The following COG5 variants were observed in gnomAD, a reference collection of about 807,000 sequenced individuals.
The protein encoded by COG5 is conserved oligomeric Golgi complex subunit 5.
COG5 carries 86 observed loss-of-function variants against 110.4 expected under a neutral mutation model. That is an observed-to-expected ratio of 0.78 (90% CI 0.65 to 0.93). The LOEUF is 0.93. COG5 is among the 40% of genes least tolerant of loss of function. The pLI is 0.00. For missense variants in COG5, 1,077 were observed against 987.0 expected, an observed-to-expected ratio of 1.09 and a Z score of -1.22; for synonymous variants, 360 against 334.6, an observed-to-expected ratio of 1.08 and a Z score of -0.83.
At chr7:107,358,805 T>C (rs966699706) in intron 10 of COG5, among the ~76,000 whole-genome samples, 1 of 152,220 alleles carries the variant, frequency 6.6e-6, no homozygotes, top group Non-Finnish European at 1.5e-5. Context: ...TTTTGCATGC[T>C]GTCATAACTT....
intron 6 of COG5, among the ~76,000 whole-genome samples, chr7:107,517,489 C>G (rs1291343792): frequency 1.3e-5 from 2 of 152,174 alleles, no homozygotes; most frequent in East Asian, 3.9e-4. Context: ...TCAGGAAATA[C>G]AGAGAACACC....
chr7:107,402,602 C>T (rs999247292), intron 7 of COG5, among the ~76,000 whole-genome samples: 1 of 152,008 alleles, frequency 6.6e-6, no homozygotes, highest in Admixed American at 6.6e-5. Context: ...CTGTTGTAAT[C>T]CTGAAAAAAT....
chr7:107,270,916 A>T (rs1239597741), intron 14 of COG5, among the ~76,000 whole-genome samples: 1 of 70,286 alleles, frequency 1.4e-5, no homozygotes. Context: ...TTTTGTAGAG[A>T]TGGGATCTCA....
At chr7:107,429,704 T>C (rs1793886011) in intron 6 of COG5, among the ~76,000 whole-genome samples, 1 of 152,174 alleles carries the variant, frequency 6.6e-6, no homozygotes, top group Non-Finnish European at 1.5e-5. Flanking sequence ...GGTAATCCAA[T>C]TATGGGGACG....
At chr7:107,387,479 G>A (rs6974296) in intron 7 of COG5, among the ~76,000 whole-genome samples, 5,063 of 152,300 alleles carry the variant, frequency 0.033, 289 homozygotes, top group African/African-American at 0.11. Context: ...TTGTATACAA[G>A]CAACATCTCA....
intron 18 of COG5, among the ~76,000 whole-genome samples, chr7:107,231,693 T>C (rs934096619): frequency 6.6e-6 from 1 of 152,176 alleles, no homozygotes; most frequent in African/African-American, 2.4e-5. Context: ...TAAAATCTCC[T>C]TGCCATGGGT....
intron 11 of COG5, among the ~76,000 whole-genome samples, chr7:107,304,334 G>A (rs1287552813): frequency 6.6e-6 from 1 of 152,088 alleles, no homozygotes; most frequent in East Asian, 1.9e-4. Context: ...CCTGAACACT[G>A]TAAGAAGTTA....
chr7:107,473,082 T>A (rs1796736925), intron 6 of COG5: 1 of 151,878 alleles, frequency 6.6e-6, no homozygotes, highest in Non-Finnish European at 1.5e-5. Context: ...GCTTCACAGG[T>A]AATGTGTAAC....
intron 6 of COG5, among the ~76,000 whole-genome samples, chr7:107,415,798 ATG>A (rs753867030): frequency 1.4e-4 from 14 of 102,080 alleles, no homozygotes; most frequent in African/African-American, 5.7e-4. Context: ...GTATGTATGT[ATG>A]TGTGTATATA....
chr7:107,456,550 T>G (rs1795679762), intron 6 of COG5, among the ~76,000 whole-genome samples: 2 of 152,142 alleles, frequency 1.3e-5, no homozygotes, highest in African/African-American at 4.8e-5. Flanking sequence ...CGAACTCAAT[T>G]AGTTGAAGGG....
intron 18 of COG5, among the ~76,000 whole-genome samples, chr7:107,231,920 T>C (rs755137908): frequency 1.2e-4 from 18 of 152,332 alleles, no homozygotes; most frequent in South Asian, 6.2e-4. Flanking sequence ...TATAAACATA[T>C]ATAAACACAC....
chr7:107,302,716 T>G (rs985742471), intron 11 of COG5, among the ~76,000 whole-genome samples: 1 of 152,162 alleles, frequency 6.6e-6, no homozygotes, highest in African/African-American at 2.4e-5. Flanking sequence ...TCTTGAGAGA[T>G]ATGGTAACAT....
At chr7:107,466,197 A>G (rs1432070732) in intron 6 of COG5, among the ~76,000 whole-genome samples, 1 of 152,190 alleles carries the variant, frequency 6.6e-6, no homozygotes, top group Admixed American at 6.5e-5. Flanking sequence ...GTAAGCAGTC[A>G]AAACAGTAAA....
intron 14 of COG5, among the ~76,000 whole-genome samples, chr7:107,263,089 T>C (rs1296793507): frequency 6.6e-6 from 1 of 152,198 alleles, no homozygotes; most frequent in Non-Finnish European, 1.5e-5. Context: ...AACAAAACGC[T>C]AGTGAAGCTG....
chr7:107,280,502 G>A (rs901776282), intron 14 of COG5, among the ~76,000 whole-genome samples: 10 of 151,878 alleles, frequency 6.6e-5, no homozygotes, highest in African/African-American at 2.2e-4. Flanking sequence ...TATTTCAACC[G>A]GGAATGGTTA....
intron 1 of COG5, among the ~76,000 whole-genome samples, chr7:107,561,850 C>T (rs533444724): frequency 2.5e-4 from 38 of 152,278 alleles, no homozygotes; most frequent in Middle Eastern, 3.4e-3. Context: ...GTGATGGGCG[C>T]TTGTAGTCCC....
At chr7:107,210,374 C>G (rs1161263667) in intron 21 of COG5, 152 bp downstream of exon 21, 2 of 1,447,838 alleles carry the variant, frequency 1.4e-6, no homozygotes, top group East Asian at 5.0e-5. Context: ...CTGGTTGCTC[C>G]AGCACCCGTG....
intron 6 of COG5, among the ~76,000 whole-genome samples, chr7:107,514,450 T>A (rs777909384): frequency 5.3e-5 from 8 of 152,134 alleles, no homozygotes; most frequent in Admixed American, 3.3e-4. Context: ...ATAATATACA[T>A]TTAAACCTAT....
Position 107,516,183 on chromosome 7 carries a change from AATAAG to A in COG5, c.538+11049_538+11053del, listed in dbSNP as rs143516731. The stretch of plus-strand genomic sequence containing the variant: ...AAAATAATTCTGCTTATTCTCTGAC[AATAAG>A]ATAATAGTATACTTTTCATTTTCAT... On this transcript the variant is annotated intron_variant, in intron 6 of 21. Transcript: ENST00000297135. Among the ~76,000 whole-genome samples, 844 of 152,344 alleles carry A rather than the reference AATAAG, an allele frequency of 5.5e-3. 8 individuals are homozygous for A. The highest frequency in any genetic ancestry group is 0.02 in the African/African-American group (811 of 41,582).
Sources: gnomAD v4.1 joint callset for allele counts (sites outside exome capture counted in the v4.1 genomes callset) on GRCh38, gnomAD v4.1.1 for gene constraint, MANE v1.5 for transcripts, NCBI Gene and HGNC (gene_info 2026-07-23, HGNC 2026-07-21) for gene names.